The following MCM9 variants were observed in gnomAD, a reference collection of about 807,000 sequenced individuals.
MCM9 encodes DNA helicase MCM9.
A neutral mutation model predicts 72.8 loss-of-function variants in MCM9; 55 were observed. The observed-to-expected ratio is 0.76, with a 90% CI of 0.61 to 0.95. The LOEUF (loss-of-function observed/expected upper bound fraction) is 0.95. Ranked by LOEUF, MCM9 falls within the 40% of genes least tolerant of loss-of-function variation. The probability of loss-of-function intolerance (pLI) is 0.00; values close to 1 mark genes in which losing one functional copy is unlikely to be tolerated. For synonymous variants in MCM9, 480 were observed against 503.4 expected (o/e 0.95, Z 0.62); for missense variants, 1,279 against 1,377.0 (o/e 0.93, Z 1.13).
intron 13 of MCM9, among the ~76,000 whole-genome samples, chr6:118,825,830 T>C (rs530851085): frequency 6.6e-6 from 1 of 152,136 alleles, no homozygotes; most frequent in South Asian, 2.1e-4. Context: ...CATTGCTGAG[T>C]TGTTATCTCA....
chr6:118,894,675 C>A (rs1005984024), intron 8 of MCM9, among the ~76,000 whole-genome samples: 12 of 152,228 alleles, frequency 7.9e-5, no homozygotes, highest in African/African-American at 2.9e-4. Context: ...GGACGACGGC[C>A]GCCGAGGCGC....
chr6:118,816,402 C>T (rs1005991078), intron 13 of MCM9, 108 bp from the exon 14 acceptor site: 2 of 921,408 alleles, frequency 2.2e-6, no homozygotes, highest in African/African-American at 1.7e-5. Context: ...TTAAGTCCCA[C>T]ATAATTCCAA....
At position 118,911,719 on chromosome 6, in the gene MCM9, A is replaced by G. The variant is rs144258200; in HGVS notation, c.1081T>C (p.Phe361Leu). The G allele has an allele frequency of 2.7e-5, 44 of 1,613,686 alleles. No individual in the cohort carries two copies. Among genetic ancestry groups the G allele is most frequent in the Non-Finnish European group, 3.6e-5 (43 of 1,179,872 alleles). The change falls in exon 8 of 14, where the codon TTC becomes CTC. Residue 361 changes from phenylalanine to leucine, a missense_variant. Phe to Leu is a conservative substitution (Grantham distance 22). Coordinates refer to ENST00000619706, the MANE Select transcript of MCM9 (RefSeq NM_017696.3). ...VGDPGTGKSQ[F>L]LKYAAKITPR... ...GTAATCTTTGCTGCATATTTGAGGA[A>G]CTGAGATTTCCCTGTGCCAGGATCC...
chr6:118,851,936 A>G (rs1285620925), intron 9 of MCM9, among the ~76,000 whole-genome samples: 1 of 152,186 alleles, frequency 6.6e-6, no homozygotes, highest in Non-Finnish European at 1.5e-5. Context: ...TCCTTTCAAT[A>G]TACAGTTATA....
At chr6:118,884,518 C>A (rs1298753770) in intron 8 of MCM9, among the ~76,000 whole-genome samples, 6 of 150,286 alleles carry the variant, frequency 4.0e-5, no homozygotes, top group African/African-American at 4.9e-5. Flanking sequence ...TAAAAAAAAA[C>A]AAAACAACTT....
intron 9 of MCM9, among the ~76,000 whole-genome samples, chr6:118,851,752 T>C (rs1484224103): frequency 6.7e-6 from 1 of 149,296 alleles, no homozygotes. Context: ...TTCTAGATAG[T>C]GGCTAAGACA....
At chr6:118,856,795 C>T (rs962931351) in intron 8 of MCM9, among the ~76,000 whole-genome samples, 3 of 152,146 alleles carry the variant, frequency 2.0e-5, no homozygotes, top group Non-Finnish European at 4.4e-5. Context: ...GCGGGAGGAT[C>T]GCTTGAGCCC....
intron 13 of MCM9, among the ~76,000 whole-genome samples, chr6:118,818,233 G>C (rs571297605): frequency 6.6e-6 from 1 of 152,262 alleles, no homozygotes; most frequent in South Asian, 2.1e-4. Flanking sequence ...TACTGCCTAG[G>C]TTTTCTTCTA....
intron 13 of MCM9, among the ~76,000 whole-genome samples, chr6:118,824,054 T>C (rs1381471034): frequency 7.3e-6 from 1 of 137,132 alleles, no homozygotes; most frequent in African/African-American, 2.7e-5. Context: ...TTTTTTTTTT[T>C]TTTTTTTTTT....
intron 8 of MCM9, among the ~76,000 whole-genome samples, chr6:118,860,483 T>C (rs1776831052): frequency 6.6e-6 from 1 of 152,054 alleles, no homozygotes; most frequent in South Asian, 2.1e-4. Flanking sequence ...AGGTGTAACA[T>C]ACATGTGATG....
chr6:118,920,157 A>G (rs1781316736), intron 5 of MCM9: 1 of 152,214 alleles, frequency 6.6e-6, no homozygotes, highest in Admixed American at 6.5e-5. Flanking sequence ...CTTATATAAG[A>G]ACTGCATTGC....
At chr6:118,856,917 G>A (rs1776592297) in intron 8 of MCM9, among the ~76,000 whole-genome samples, 1 of 152,096 alleles carries the variant, frequency 6.6e-6, no homozygotes, top group South Asian at 2.1e-4. Flanking sequence ...CCTATGAAAG[G>A]AAAGAAATGC....
chr6:118,869,619 A>AAAAAAAAAAAAC (rs1777467136), intron 8 of MCM9, among the ~76,000 whole-genome samples: 1 of 146,490 alleles, frequency 6.8e-6, no homozygotes, highest in African/African-American at 2.5e-5. Context: ...AAAAAAAAAA[A>AAAAAAAAAAAAC]GAAGCCAATT....
intron 8 of MCM9, among the ~76,000 whole-genome samples, chr6:118,904,721 T>C (rs954116310): frequency 1.3e-5 from 2 of 152,244 alleles, no homozygotes; most frequent in Non-Finnish European, 2.9e-5. Context: ...GTTTCCACAT[T>C]ATGTGTGGTT....
chr6:118,843,658 G>GTATATATATATATGTGTA (rs74206505), intron 9 of MCM9, among the ~76,000 whole-genome samples: 6,185 of 20,688 alleles, frequency 0.3, 610 homozygotes, highest in Non-Finnish European at 0.4. Flanking sequence ...ATATATATGT[G>GTATATATATATATGTGTA]TATATATATA....
chr6:118,895,901 A>C (rs901584733), intron 8 of MCM9, among the ~76,000 whole-genome samples: 1 of 152,124 alleles, frequency 6.6e-6, no homozygotes, highest in Non-Finnish European at 1.5e-5. Context: ...GGTTAATTTT[A>C]ATTATAAAAC....
chr6:118,851,989 G>A lies in MCM9; in HGVS notation c.1325+4382C>T, dbSNP rs139379574. 2.3e-3 allele frequency among the ~76,000 whole-genome samples: 351 copies of A among 152,294 alleles called. 2 individuals carry two copies. The highest frequency in any genetic ancestry group is 7.8e-3 in the African/African-American group (323 of 41,586). ...CTATGTTCTGAGCAATGCATCATAAGGCGATCTGTTCTGTTGCAAGCATCA... is the reference window on the plus strand; with the variant it reads ...CTATGTTCTGAGCAATGCATCATAAAGCGATCTGTTCTGTTGCAAGCATCA... On this transcript the variant is annotated intron_variant, in intron 9 of 13. Transcript: ENST00000619706.
chr6:118,831,823 A>AAGC (rs1774583031), intron 9 of MCM9, among the ~76,000 whole-genome samples: 2 of 152,174 alleles, frequency 1.3e-5, no homozygotes. Flanking sequence ...AATATCAAGC[A>AAGC]AGCACTGCAT....
Position 118,924,182 on chromosome 6 carries a change from A to G in MCM9, c.305-55T>C, listed in dbSNP as rs1781677995. Reference sequence around the variant, plus strand: ...ACTTCAATCTTGAGATTTGACTCCAAGGGATATATTCTTCTCCTATTTCCT... The same window carrying G: ...ACTTCAATCTTGAGATTTGACTCCAGGGGATATATTCTTCTCCTATTTCCT... On this transcript the variant is annotated intron_variant, in intron 3 of 13. Coordinates refer to ENST00000619706, the MANE Select transcript of MCM9 (RefSeq NM_017696.3). 4 of 1,463,344 alleles carry G rather than the reference A, an allele frequency of 2.7e-6. No individual in the cohort carries two copies. The African/African-American group carries it at 5.6e-5, about 20-fold the overall frequency. 90.6% of individuals were successfully genotyped at this position (1,463,344 alleles called of 1,614,324 possible). A position where few individuals can be genotyped will look rare whatever the true frequency, so the allele number is the denominator to read the frequency against.
Sources: allele counts gnomAD v4.1 joint callset (sites outside exome capture counted in the v4.1 genomes callset), GRCh38; gene constraint gnomAD v4.1.1; transcripts MANE v1.5; gene names NCBI Gene and HGNC (gene_info 2026-07-23, HGNC 2026-07-21).